PCDHA8: variants seen among roughly 807,000 people sequenced by gnomAD.
PCDHA8 encodes the protein protocadherin alpha-8.
In PCDHA8, 53 loss-of-function variants were observed where a neutral mutation model predicts 61.8. The observed-to-expected ratio is 0.86, with a 90% confidence interval of 0.69 to 1.08. The LOEUF (loss-of-function observed/expected upper bound fraction) is 1.08, where lower values mean the gene tolerates loss of function less well. Among genes scored for constraint, PCDHA8 ranks in the 50% least tolerant of loss-of-function variants. PCDHA8 has a pLI of 0.00. For missense variants in PCDHA8, 1,293 were observed against 1,245.0 expected, an observed-to-expected ratio of 1.04 and a Z score of -0.58; for synonymous variants, 618 against 556.6, an observed-to-expected ratio of 1.11 and a Z score of -1.55.
intron 2 of PCDHA8, among the ~76,000 whole-genome samples, chr5:140,980,712 T>G (rs4404731): frequency 0.013 from 1,940 of 152,272 alleles, 50 homozygotes; most frequent in African/African-American, 0.045. Context: ...GTGCTCCTAT[T>G]CGGGTTTCAA....
In PCDHA8 at chr5:141,010,436, G is replaced by C; in HGVS notation, c.*499G>C. 2 of 1,038,344 alleles carry C rather than the reference G, an allele frequency of 1.9e-6. No individual in the cohort carries two copies. Among genetic ancestry groups the C allele is most frequent in the Admixed American group, 5.8e-5 (2 of 34,296 alleles). The allele number at this position is 1,038,344 out of a possible 1,614,324, so 64.3% of individuals were successfully genotyped here. A position where few individuals can be genotyped will look rare whatever the true frequency, so the allele number is the denominator to read the frequency against. On this transcript the variant is annotated 3_prime_UTR_variant, in exon 4 of 4. Coordinates refer to ENST00000531613, the MANE Select transcript of PCDHA8 (RefSeq NM_018911.3). The stretch of plus-strand genomic sequence containing the variant: ...GGTACAAGGAAGGCAAGAAAACAAA[G>C]ACAAATAAACAGCGGAAGTTATCAG...
Position 140,870,665 on chromosome 5 carries a change from C to T in PCDHA8, c.2394+26950C>T, listed in dbSNP as rs782328974. ...AGCGGCAAGGTGTACGCGCTGCAGC[C>T]GTTGGACCACGAGGAGCTGGAGCTG... On this transcript the variant is annotated intron_variant, in intron 1 of 3. Coordinates refer to ENST00000531613, the MANE Select transcript of PCDHA8 (RefSeq NM_018911.3). 1.2e-5 allele frequency: 20 copies of T among 1,612,506 alleles called. No individual in the cohort carries two copies. The South Asian group carries it at 1.4e-4, about 12-fold the overall frequency.
intron 1 of PCDHA8, among the ~76,000 whole-genome samples, chr5:140,937,317 G>A (rs1282380622): frequency 1.3e-5 from 2 of 152,048 alleles, no homozygotes; most frequent in Non-Finnish European, 2.9e-5. Context: ...GATTACAGGC[G>A]TGAGCCACCG....
In PCDHA8 at chr5:140,851,314, CTTG is replaced by C. The variant is rs1205555988; in HGVS notation, c.2394+7602_2394+7604del. On this transcript the variant is annotated intron_variant, in intron 1 of 3. Coordinates refer to ENST00000531613, the MANE Select transcript of PCDHA8 (RefSeq NM_018911.3). ...AGCAAAAATATATAGCAATTGTTACCTTGTTAAGTTTGTAGTTCTCTACATTTC... is the reference window on the plus strand; with the variant it reads ...AGCAAAAATATATAGCAATTGTTACCTTAAGTTTGTAGTTCTCTACATTTC... 1.1e-5 allele frequency: 11 copies of C among 997,988 alleles called. 1 individual carries two copies. The South Asian group carries it at 3.6e-4, about 33-fold the overall frequency. The allele number at this position is 997,988 out of a possible 1,614,324, so 61.8% of individuals were successfully genotyped here.
chr5:140,936,270 T>G (rs1367001317), intron 1 of PCDHA8, among the ~76,000 whole-genome samples: 2 of 152,226 alleles, frequency 1.3e-5, no homozygotes, highest in Non-Finnish European at 2.9e-5. Context: ...GAAGATATAT[T>G]CCTGTGTTTT....
intron 1 of PCDHA8, chr5:140,881,378 G>A (rs2058692175): frequency 1.0e-6 from 1 of 984,802 alleles, no homozygotes; most frequent in Non-Finnish European, 1.2e-6. Context: ...ATTGCAGCCG[G>A]CGGCGGTAAG....
chr5:140,936,312 C>A (rs2090900162), intron 1 of PCDHA8, among the ~76,000 whole-genome samples: 1 of 152,166 alleles, frequency 6.6e-6, no homozygotes, highest in Non-Finnish European at 1.5e-5. Context: ...ATAGAACTTT[C>A]TGACATGCTA....
intron 1 of PCDHA8, chr5:140,882,349 T>TC (rs1396642305): frequency 5.0e-6 from 8 of 1,613,872 alleles, no homozygotes; most frequent in Non-Finnish European, 6.8e-6. Context: ...GGGAGACGGG[T>TC]AGTGGCCAGC....
chr5:140,857,226 C>G, intron 1 of PCDHA8: 2 of 1,598,494 alleles, frequency 1.3e-6, no homozygotes, highest in Non-Finnish European at 1.7e-6. Context: ...CCTCACGTTC[C>G]GTTCAAGCTG....
At chr5:140,862,361 ACCC>A in intron 1 of PCDHA8, 2 of 339,278 alleles carry the variant, frequency 5.9e-6, no homozygotes, top group South Asian at 4.8e-5. Context: ...GGGACAGACG[ACCC>A]GCACCCTGAC....
chr5:140,969,201 G>A (rs2096306183), intron 1 of PCDHA8: 2 of 1,614,110 alleles, frequency 1.2e-6, no homozygotes, highest in Non-Finnish European at 1.7e-6. Context: ...TACAATACAG[G>A]GGCCCAGACA....
chr5:140,910,324 T>C (rs2074979860), intron 1 of PCDHA8, among the ~76,000 whole-genome samples: 3 of 152,220 alleles, frequency 2.0e-5, no homozygotes, highest in Non-Finnish European at 4.4e-5. Flanking sequence ...AGTCAGACTA[T>C]TGTGATTGCT....
At chr5:140,956,200 GA>G (rs1385482287) in intron 1 of PCDHA8, among the ~76,000 whole-genome samples, 1 of 152,152 alleles carries the variant, frequency 6.6e-6, no homozygotes, top group Non-Finnish European at 1.5e-5. Flanking sequence ...TAGGAGTGGT[GA>G]AAGAGGGCAT....
At chr5:140,876,282 C>T (rs1227830598) in intron 1 of PCDHA8, 3 of 1,613,872 alleles carry the variant, frequency 1.9e-6, no homozygotes, top group Admixed American at 1.7e-5. Flanking sequence ...CCGATCCAGA[C>T]GAAGGACTTA....
intron 1 of PCDHA8, among the ~76,000 whole-genome samples, chr5:140,873,433 C>A (rs1404157271): frequency 2.0e-5 from 3 of 152,116 alleles, no homozygotes; most frequent in African/African-American, 7.2e-5. Context: ...TATTTTATAT[C>A]ACATAAATAA....
At chr5:140,868,202 A>C (rs1401388364) in intron 1 of PCDHA8, 1 of 152,188 alleles carries the variant, frequency 6.6e-6, no homozygotes, top group Non-Finnish European at 1.5e-5. Flanking sequence ...GGCTTACATT[A>C]GAAATAATAT....
intron 1 of PCDHA8, among the ~76,000 whole-genome samples, chr5:140,932,800 C>A (rs1041924506): frequency 6.6e-6 from 1 of 151,684 alleles, no homozygotes; most frequent in Non-Finnish European, 1.5e-5. Context: ...AAAAGCAATA[C>A]CTTGGAAACA....
At chr5:140,867,400 T>C (rs544481917) in intron 1 of PCDHA8, 18 of 152,290 alleles carry the variant, frequency 1.2e-4, no homozygotes, top group African/African-American at 3.8e-4. Context: ...AAAGTTGATA[T>C]GTCTCCTTTA....
At position 140,856,753 on chromosome 5, in the gene PCDHA8, T is replaced by C. The variant is rs373420913; in HGVS notation, c.2394+13038T>C. 311 of 1,596,470 alleles carry C rather than the reference T, an allele frequency of 1.9e-4. 24 individuals are homozygous for C. Among genetic ancestry groups the C allele is most frequent in the Non-Finnish European group, 2.6e-4 (309 of 1,166,472 alleles). On this transcript the variant is annotated intron_variant, in intron 1 of 3. Coordinates refer to ENST00000531613, the MANE Select transcript of PCDHA8 (RefSeq NM_018911.3). ...TGCTGATCCTGGTGTTAGATGCCAA[T>C]GATAACGCCCCTATCTTTGACAGAC...
Sources: allele counts gnomAD v4.1 joint callset (sites outside exome capture counted in the v4.1 genomes callset), GRCh38; gene constraint gnomAD v4.1.1; transcripts MANE v1.5; gene names NCBI Gene and HGNC (gene_info 2026-07-23, HGNC 2026-07-21).